PARD3: variants seen among roughly 807,000 people sequenced by gnomAD.
The protein encoded by PARD3 is partitioning defective 3 homolog.
PARD3 carries 75 observed loss-of-function variants against 155.4 expected under a neutral mutation model. The ratio of observed to expected loss-of-function variants is 0.48; its 90% CI spans 0.40 to 0.58. The LOEUF (loss-of-function observed/expected upper bound fraction) is 0.58. Among genes scored for constraint, PARD3 ranks in the 20% least tolerant of loss-of-function variants. PARD3 has a pLI of 0.00. For missense variants in PARD3, 1,642 were observed against 1,721.7 expected (o/e 0.95, Z 0.82); for synonymous variants, 576 against 610.5 (o/e 0.94, Z 0.83).
intron 7 of PARD3, among the ~76,000 whole-genome samples, chr10:34,395,282 G>A (rs913408547): frequency 7.2e-5 from 11 of 152,068 alleles, no homozygotes; most frequent in African/African-American, 2.7e-4. Context: ...TGCTCCACCT[G>A]CCTAGACCTC....
intron 14 of PARD3, among the ~76,000 whole-genome samples, chr10:34,348,991 T>G (rs1837720537): frequency 1.1e-5 from 1 of 93,646 alleles, no homozygotes. Flanking sequence ...CAAACAAATC[T>G]GTTTTAATGA....
At chr10:34,255,817 G>A (rs980825089) in intron 22 of PARD3, among the ~76,000 whole-genome samples, 1 of 152,032 alleles carries the variant, frequency 6.6e-6, no homozygotes, top group Non-Finnish European at 1.5e-5. Flanking sequence ...TATTTTACAC[G>A]CCACTATTTG....
intron 22 of PARD3, among the ~76,000 whole-genome samples, chr10:34,235,838 CT>C (rs1412774033): frequency 6.6e-6 from 1 of 152,160 alleles, no homozygotes; most frequent in Non-Finnish European, 1.5e-5. Flanking sequence ...CAGAAAATGT[CT>C]GACAATATCC....
At chr10:34,303,623 T>G (rs1018313935) in intron 20 of PARD3, among the ~76,000 whole-genome samples, 3 of 111,330 alleles carry the variant, frequency 2.7e-5, no homozygotes, top group Non-Finnish European at 5.7e-5. Flanking sequence ...CGATAAGATG[T>G]TTTTTTTTTT....
At position 34,362,650 on chromosome 10, in the gene PARD3, C is replaced by T. The variant is rs7910715; in HGVS notation, c.1708-2391G>A. ...AGCTGGGACTACAGGAACATGTCAACAAACCGGGCAAATTTTTGTATTTCT... is the reference window on the plus strand; with the variant it reads ...AGCTGGGACTACAGGAACATGTCAATAAACCGGGCAAATTTTTGTATTTCT... On this transcript the variant is annotated intron_variant, in intron 12 of 24. Coordinates refer to ENST00000374788, the MANE Select transcript of PARD3 (RefSeq NM_001184785.2). 6.4e-3 allele frequency among the ~76,000 whole-genome samples: 978 copies of T among 152,252 alleles called. 11 individuals carry two copies. Among genetic ancestry groups the T allele is most frequent in the African/African-American group, 0.023 (950 of 41,548 alleles).
chr10:34,487,874 T>C (rs774858783), intron 3 of PARD3, among the ~76,000 whole-genome samples: 7 of 152,342 alleles, frequency 4.6e-5, no homozygotes, highest in East Asian at 1.9e-4. Flanking sequence ...CTTTCAAAAA[T>C]TGACATTGAC....
intron 15 of PARD3, chr10:34,344,345 C>A: frequency 3.4e-6 from 3 of 892,756 alleles, no homozygotes; most frequent in Non-Finnish European, 4.0e-6. Flanking sequence ...TGCTGTGGTA[C>A]GATTTCAGCT....
chr10:34,786,831 T>C (rs1347640488), intron 1 of PARD3, among the ~76,000 whole-genome samples: 3 of 152,180 alleles, frequency 2.0e-5, no homozygotes, highest in Non-Finnish European at 4.4e-5. Context: ...AATATACATA[T>C]ATAGATTTGG....
chr10:34,363,672 C>A (rs150284916), intron 12 of PARD3, among the ~76,000 whole-genome samples: 1 of 152,148 alleles, frequency 6.6e-6, no homozygotes, highest in Non-Finnish European at 1.5e-5. Context: ...AAATTCTGCA[C>A]CTTATCAACT....
intron 15 of PARD3, chr10:34,343,583 C>T: frequency 1.0e-6 from 1 of 985,240 alleles, no homozygotes; most frequent in Non-Finnish European, 1.2e-6. Flanking sequence ...TCTTAACATG[C>T]TTGCCAGGAA....
chr10:34,347,970 A>C lies in PARD3; in HGVS notation c.2213T>G (p.Ile738Arg). 6.2e-7 allele frequency: 1 copy of C among 1,611,428 alleles called. No homozygotes were observed. Among genetic ancestry groups the C allele is most frequent in the Non-Finnish European group, 8.5e-7 (1 of 1,178,768 alleles). Residue 738 changes from isoleucine (I) to arginine (R), a missense_variant, in exon 15 of 25, where the codon ATA becomes AGA. Ile to Arg is a moderately conservative substitution (Grantham distance 97). This residue lies in a region of PARD3 where 1,529 missense variants were observed against 1,587.3 expected (regional missense o/e 0.96). Transcript: ENST00000374788. ...SPSRNAALSRIMGKYQLSPTV... is the reference protein window; with the variant it reads ...SPSRNAALSRRMGKYQLSPTV... ...CAGAGTTTTACCTGACTCACCCATTATCCTACTGAGGGCAGCATTTCTGCT... is the reference window on the plus strand; with the variant it reads ...CAGAGTTTTACCTGACTCACCCATTCTCCTACTGAGGGCAGCATTTCTGCT...
At chr10:34,188,746 C>T (rs142999816) in intron 22 of PARD3, among the ~76,000 whole-genome samples, 11 of 141,474 alleles carry the variant, frequency 7.8e-5, no homozygotes, top group South Asian at 4.5e-4. Flanking sequence ...AACTTAAAAT[C>T]GCTTTTTTTT....
intron 22 of PARD3, among the ~76,000 whole-genome samples, chr10:34,240,590 AG>A (rs1041415410): frequency 1.2e-4 from 19 of 152,206 alleles, no homozygotes; most frequent in African/African-American, 4.6e-4. Flanking sequence ...TTTTAATTAT[AG>A]CTGCCTTGAG....
At chr10:34,788,415 C>G (rs1841245350) in intron 1 of PARD3, among the ~76,000 whole-genome samples, 2 of 151,680 alleles carry the variant, frequency 1.3e-5, no homozygotes, top group Admixed American at 1.3e-4. Flanking sequence ...TACCACGCAG[C>G]CACTGCCTAC....
intron 2 of PARD3, among the ~76,000 whole-genome samples, chr10:34,557,767 T>C (rs1295875995): frequency 1.3e-5 from 2 of 151,828 alleles, no homozygotes; most frequent in East Asian, 3.9e-4. Flanking sequence ...CTCCCATCTC[T>C]AGTGTAAAAA....
intron 3 of PARD3, among the ~76,000 whole-genome samples, chr10:34,476,821 CAG>C (rs2078739810): frequency 6.6e-6 from 1 of 152,192 alleles, no homozygotes; most frequent in African/African-American, 2.4e-5. Flanking sequence ...ACAAGCAACA[CAG>C]AGTTCTAGAG....
chr10:34,506,797 T>G (rs896362629), intron 3 of PARD3, among the ~76,000 whole-genome samples: 1 of 152,216 alleles, frequency 6.6e-6, no homozygotes, highest in Non-Finnish European at 1.5e-5. Flanking sequence ...TTAATGGCCA[T>G]TTAATTGGAA....
chr10:34,563,092 C>A (rs1256972747), intron 2 of PARD3, among the ~76,000 whole-genome samples: 1 of 152,064 alleles, frequency 6.6e-6, no homozygotes, highest in Non-Finnish European at 1.5e-5. Context: ...TTTTAAAAAA[C>A]AAATCCATTT....
intron 2 of PARD3, among the ~76,000 whole-genome samples, chr10:34,609,602 G>A (rs2090733107): frequency 6.6e-6 from 1 of 152,156 alleles, no homozygotes; most frequent in Non-Finnish European, 1.5e-5. Flanking sequence ...GAGTGCAGGG[G>A]CACAATCATA....
Sources: gnomAD v4.1 joint callset for allele counts (sites outside exome capture counted in the v4.1 genomes callset) on GRCh38, gnomAD v4.1.1 for gene constraint, gnomAD v4.1.1 regional missense constraint, MANE v1.5 for transcripts, NCBI Gene and HGNC (gene_info 2026-07-23, HGNC 2026-07-21) for gene names.